RALYL: variants seen among roughly 807,000 people sequenced by gnomAD.
RALYL encodes the protein RNA-binding Raly-like protein.
Under a neutral mutation model 35.1 loss-of-function variants are expected in RALYL, and 29 were observed. The ratio of observed to expected loss-of-function variants is 0.83; its 90% CI spans 0.61 to 1.13. RALYL has a LOEUF of 1.13. RALYL is among the 50% of genes most tolerant of loss of function. RALYL has a pLI of 0.00. For synonymous variants in RALYL, 120 were observed against 127.6 expected (o/e 0.94, Z 0.40); for missense variants, 359 against 360.4 (o/e 1.00, Z 0.03).
intron 1 of RALYL, among the ~76,000 whole-genome samples, chr8:84,507,118 C>T (rs2057235470): frequency 6.6e-6 from 1 of 152,024 alleles, no homozygotes; most frequent in African/African-American, 2.4e-5. Flanking sequence ...TTCTACTCTG[C>T]ACTTTTCCTG....
chr8:84,214,242 T>C (rs2131212535), intron 1 of RALYL, among the ~76,000 whole-genome samples: 1 of 152,230 alleles, frequency 6.6e-6, no homozygotes, highest in African/African-American at 2.4e-5. Flanking sequence ...TGAAAATTGA[T>C]AAGTTGCATA....
At chr8:84,250,294 C>T (rs1251726399) in intron 1 of RALYL, among the ~76,000 whole-genome samples, 1 of 152,050 alleles carries the variant, frequency 6.6e-6, no homozygotes, top group African/African-American at 2.4e-5. Context: ...GTGTCTTCCT[C>T]TTTTATACAT....
At chr8:84,831,005 G>A (rs1830811653) in intron 4 of RALYL, among the ~76,000 whole-genome samples, 1 of 151,628 alleles carries the variant, frequency 6.6e-6, no homozygotes, top group Non-Finnish European at 1.5e-5. Flanking sequence ...TGATATTAAG[G>A]AAAATTAACA....
At chr8:84,481,514 A>G (rs887870135) in intron 1 of RALYL, among the ~76,000 whole-genome samples, 5 of 152,154 alleles carry the variant, frequency 3.3e-5, no homozygotes, top group Admixed American at 6.6e-5. Context: ...TTTATTATGA[A>G]TGTTCATAGA....
At position 84,873,343 on chromosome 8, in the gene RALYL, G is replaced by A; in HGVS notation, c.631G>A (p.Asp211Asn). 6.2e-7 allele frequency: 1 copy of A among 1,602,932 alleles called. No homozygotes were observed. Among genetic ancestry groups the A allele is most frequent in the Non-Finnish European group, 8.5e-7 (1 of 1,174,678 alleles). The change falls in exon 7 of 9, where the codon GAC becomes AAC. Residue 211 changes from aspartate to asparagine, a missense_variant. Asp to Asn is a conservative substitution (Grantham distance 23, BLOSUM62 1). Transcript: ENST00000521268. ...ATTAACCCAGATCAAAACTAAAATT[G>A]ACTCCTTGCTAGGGCGCCTGGAGAA... is the stretch of plus-strand genomic sequence containing the variant. The part of the protein sequence containing the change: ...KELTQIKTKI[D>N]SLLGRLEKIE...
intron 8 of RALYL, among the ~76,000 whole-genome samples, chr8:84,890,696 T>C (rs10108653): frequency 0.041 from 6,270 of 152,242 alleles, 445 homozygotes; most frequent in African/African-American, 0.14. Flanking sequence ...TGAGAACTAC[T>C]GTTATCACGT....
At chr8:84,218,304 A>T (rs1821327257) in intron 1 of RALYL, among the ~76,000 whole-genome samples, 1 of 152,072 alleles carries the variant, frequency 6.6e-6, no homozygotes, top group South Asian at 2.1e-4. Flanking sequence ...CTATCCCAGC[A>T]GAAATATTGC....
At chr8:84,830,897 TATC>T (rs1202518640) in intron 4 of RALYL, among the ~76,000 whole-genome samples, 5 of 152,064 alleles carry the variant, frequency 3.3e-5, no homozygotes, top group Non-Finnish European at 7.4e-5. Flanking sequence ...ATATGGAAAA[TATC>T]AGTTAACTCT....
At chr8:84,610,051 T>C (rs759012851) in intron 2 of RALYL, among the ~76,000 whole-genome samples, 1 of 152,088 alleles carries the variant, frequency 6.6e-6, no homozygotes, top group Non-Finnish European at 1.5e-5. Context: ...CCCTCTCATG[T>C]CAGTCACATG....
chr8:84,712,395 T>G (rs1204083244), intron 2 of RALYL, among the ~76,000 whole-genome samples: 1 of 152,126 alleles, frequency 6.6e-6, no homozygotes, highest in African/African-American at 2.4e-5. Context: ...ATCACAGGCT[T>G]TTACAGGCTC....
intron 8 of RALYL, among the ~76,000 whole-genome samples, chr8:84,919,048 A>G (rs535217378): frequency 3.9e-5 from 6 of 152,070 alleles, no homozygotes; most frequent in Admixed American, 3.9e-4. Flanking sequence ...AACAGTCATT[A>G]CCTCTTTTGA....
chr8:84,335,943 A>G (rs2130795498), intron 1 of RALYL, among the ~76,000 whole-genome samples: 1 of 152,244 alleles, frequency 6.6e-6, no homozygotes, highest in Non-Finnish European at 1.5e-5. Context: ...CCTTTAGAGA[A>G]AAACAAATGA....
chr8:84,406,997 T>C (rs2043566663), intron 1 of RALYL, among the ~76,000 whole-genome samples: 1 of 146,828 alleles, frequency 6.8e-6, no homozygotes, highest in African/African-American at 2.7e-5. Context: ...TCTCTCTCTC[T>C]CTCCCTCTCT....
intron 1 of RALYL, among the ~76,000 whole-genome samples, chr8:84,452,233 C>CTA (rs1554673311): frequency 8.3e-5 from 12 of 144,270 alleles, no homozygotes; most frequent in African/African-American, 3.1e-4. Flanking sequence ...GTTGATACTA[C>CTA]TTTTTTTTTT....
chr8:84,524,839 A>G (rs1431417984), intron 1 of RALYL, among the ~76,000 whole-genome samples: 1 of 151,904 alleles, frequency 6.6e-6, no homozygotes, highest in Non-Finnish European at 1.5e-5. Flanking sequence ...AGATACTTGA[A>G]CTTTTTATTC....
At chr8:84,722,384 G>T (rs138117412) in intron 2 of RALYL, among the ~76,000 whole-genome samples, 5 of 151,836 alleles carry the variant, frequency 3.3e-5, no homozygotes, top group African/African-American at 1.2e-4. Flanking sequence ...TCTTAGCTGA[G>T]ATGATTAGAA....
At chr8:84,892,522 A>G (rs1844029278) in intron 8 of RALYL, among the ~76,000 whole-genome samples, 1 of 151,942 alleles carries the variant, frequency 6.6e-6, no homozygotes, top group Non-Finnish European at 1.5e-5. Flanking sequence ...AGGCAGGAGA[A>G]TCGCTTGAAC....
chr8:84,388,841 G>A (rs1378078035), intron 1 of RALYL, among the ~76,000 whole-genome samples: 1 of 152,022 alleles, frequency 6.6e-6, no homozygotes, highest in Non-Finnish European at 1.5e-5. Context: ...AAGCTCTTTA[G>A]TTTAATTAGA....
chr8:84,646,679 G>A (rs1046840951), intron 2 of RALYL, among the ~76,000 whole-genome samples: 12 of 151,974 alleles, frequency 7.9e-5, no homozygotes, highest in Admixed American at 6.6e-4. Flanking sequence ...TGTTTTGATT[G>A]CAGTGTTGTG....
Sources: allele counts gnomAD v4.1 joint callset (sites outside exome capture counted in the v4.1 genomes callset), GRCh38; gene constraint gnomAD v4.1.1; transcripts MANE v1.5; gene names NCBI Gene and HGNC (gene_info 2026-07-23, HGNC 2026-07-21).